The following GALNT13 variants were observed in gnomAD, a reference collection of about 807,000 sequenced individuals.
GALNT13 encodes UDP-GalNAc:polypeptide N-acetylgalactosaminyltransferase 13.
Under a neutral mutation model 64.2 loss-of-function variants are expected in GALNT13, and 28 were observed. The ratio of observed to expected loss-of-function variants is 0.44; its 90% confidence interval spans 0.32 to 0.60. The LOEUF (loss-of-function observed/expected upper bound fraction) is 0.60, where lower values mean the gene tolerates loss of function less well. Ranked by LOEUF, GALNT13 falls within the 20% of genes least tolerant of loss-of-function variation. The probability of loss-of-function intolerance (pLI) is 0.05; values close to 1 mark genes in which losing one functional copy is unlikely to be tolerated. For synonymous variants in GALNT13, 214 were observed against 224.6 expected (o/e 0.95, Z 0.42); for missense variants, 577 against 669.8 (o/e 0.86, Z 1.53).
At chr2:153,387,140 G>A in the GALNT13 span, among the ~76,000 whole-genome samples, 1 of 152,080 alleles carries the variant, frequency 6.6e-6, no homozygotes, top group Non-Finnish European at 1.5e-5. Context: ...AGAAATGAAA[G>A]ATAATTCCTG....
chr2:154,197,356 T>C (rs2105770599), intron 4 of GALNT13, among the ~76,000 whole-genome samples: 1 of 152,234 alleles, frequency 6.6e-6, no homozygotes, highest in South Asian at 2.1e-4. Flanking sequence ...AATATGTTTC[T>C]CCAAACAAAG....
chr2:154,416,309 T>C (rs1317634336), intron 11 of GALNT13, among the ~76,000 whole-genome samples: 1 of 151,932 alleles, frequency 6.6e-6, no homozygotes, highest in African/African-American at 2.4e-5. Context: ...AGGGAAAAGT[T>C]CATTGAGCCT....
At chr2:153,388,143 A>C in the GALNT13 span, among the ~76,000 whole-genome samples, 1 of 152,006 alleles carries the variant, frequency 6.6e-6, no homozygotes, top group South Asian at 2.1e-4. Context: ...CTCACTTCTT[A>C]GTCAACCTTT....
the GALNT13 span, among the ~76,000 whole-genome samples, chr2:153,850,005 C>CAAAA: frequency 1.2e-5 from 1 of 84,726 alleles, no homozygotes; most frequent in African/African-American, 4.9e-5. Flanking sequence ...ACTAAAAATA[C>CAAAA]AAAAAAAAAA....
chr2:153,601,424 T>C, the GALNT13 span, among the ~76,000 whole-genome samples: 1 of 151,820 alleles, frequency 6.6e-6, no homozygotes, highest in Non-Finnish European at 1.5e-5. Context: ...CCAATACTTC[T>C]AATTGGTAAG....
At chr2:153,307,489 G>T in the GALNT13 span, among the ~76,000 whole-genome samples, 2 of 151,814 alleles carry the variant, frequency 1.3e-5, no homozygotes, top group South Asian at 2.1e-4. Flanking sequence ...TTTTAAAGAT[G>T]AATATTTAAA....
chr2:153,866,326 G>C, the GALNT13 span, among the ~76,000 whole-genome samples: 4 of 151,612 alleles, frequency 2.6e-5, no homozygotes, highest in Non-Finnish European at 2.9e-5. Context: ...AAAAATAAAT[G>C]GTTGGATTTA....
At chr2:153,751,051 A>G in the GALNT13 span, among the ~76,000 whole-genome samples, 14 of 151,928 alleles carry the variant, frequency 9.2e-5, no homozygotes, top group Admixed American at 9.2e-4. Context: ...TTTCCTTCTT[A>G]ATTTCTTCAT....
chr2:153,112,438 C>A, the GALNT13 span, among the ~76,000 whole-genome samples: 8 of 151,230 alleles, frequency 5.3e-5, no homozygotes, highest in Admixed American at 1.3e-4. Context: ...TAAGCCACAT[C>A]CACCTACTCA....
At chr2:153,808,858 G>T in the GALNT13 span, among the ~76,000 whole-genome samples, 131 of 152,070 alleles carry the variant, frequency 8.6e-4, no homozygotes, top group Non-Finnish European at 9.9e-4. Flanking sequence ...TTTCCCTAAT[G>T]TGTTCAAAAT....
intron 4 of GALNT13, among the ~76,000 whole-genome samples, chr2:154,164,288 A>G (rs576353884): frequency 1.3e-5 from 2 of 152,286 alleles, no homozygotes; most frequent in South Asian, 4.1e-4. Flanking sequence ...ATGATCACCC[A>G]AAAGGTGATC....
the GALNT13 span, among the ~76,000 whole-genome samples, chr2:153,457,994 C>G: frequency 6.6e-6 from 1 of 152,148 alleles, no homozygotes; most frequent in African/African-American, 2.4e-5. Flanking sequence ...ATTTTACCTC[C>G]TAAACATTGT....
the GALNT13 span, among the ~76,000 whole-genome samples, chr2:153,417,608 A>G: frequency 6.6e-6 from 1 of 152,196 alleles, no homozygotes; most frequent in East Asian, 1.9e-4. Flanking sequence ...TAGATTGTAA[A>G]AAAGGAGAGT....
At chr2:153,589,666 A>G in the GALNT13 span, among the ~76,000 whole-genome samples, 2 of 152,214 alleles carry the variant, frequency 1.3e-5, no homozygotes, top group East Asian at 1.9e-4. Context: ...GGCAAGGAGG[A>G]GCAAGTCATA....
the GALNT13 span, among the ~76,000 whole-genome samples, chr2:153,166,458 G>T: frequency 2.6e-5 from 4 of 152,178 alleles, no homozygotes; most frequent in Non-Finnish European, 5.9e-5. Flanking sequence ...GGAGCTGAGA[G>T]ACCAAAGAAT....
intron 8 of GALNT13, among the ~76,000 whole-genome samples, chr2:154,297,011 G>A (rs983707459): frequency 5.3e-5 from 8 of 152,154 alleles, no homozygotes; most frequent in African/African-American, 1.4e-4. Context: ...TGAGAATTTG[G>A]TGTGTGAAAA....
chr2:154,285,309 G>C (rs1692200449), intron 8 of GALNT13, among the ~76,000 whole-genome samples: 2 of 152,032 alleles, frequency 1.3e-5, no homozygotes, highest in Non-Finnish European at 2.9e-5. Flanking sequence ...ATATCATGGA[G>C]TTTTTTCCCC....
chr2:154,175,340 C>G (rs1222826068), intron 4 of GALNT13, among the ~76,000 whole-genome samples: 2 of 152,080 alleles, frequency 1.3e-5, no homozygotes, highest in Non-Finnish European at 2.9e-5. Context: ...TATAAACATC[C>G]ACATAGATCA....
intron 2 of GALNT13, among the ~76,000 whole-genome samples, chr2:153,934,041 G>T (rs1024337755): frequency 2.0e-5 from 3 of 152,028 alleles, no homozygotes; most frequent in Non-Finnish European, 2.9e-5. Context: ...CTTTCATGTT[G>T]ACCTTGGAGA....
Sources: gnomAD v4.1 joint callset for allele counts (sites outside exome capture counted in the v4.1 genomes callset) on GRCh38, gnomAD v4.1.1 for gene constraint, MANE v1.5 for transcripts, NCBI Gene and HGNC (gene_info 2026-07-23, HGNC 2026-07-21) for gene names.